ZBTB17: variants seen among roughly 807,000 people sequenced by gnomAD.
ZBTB17 encodes the protein zinc finger and BTB domain containing 17.
Under a neutral mutation model 85.1 loss-of-function variants are expected in ZBTB17, and 24 were observed. The ratio of observed to expected loss-of-function variants is 0.28; its 90% CI spans 0.20 to 0.40. The LOEUF is 0.40. ZBTB17 is among the 10% of genes least tolerant of loss of function. The pLI, the probability that ZBTB17 is intolerant of heterozygous loss-of-function variation, is 1.00. For synonymous variants in ZBTB17, 464 were observed against 460.2 expected, an observed-to-expected ratio of 1.01 and a Z score of -0.11; for missense variants, 743 against 1,105.1, an observed-to-expected ratio of 0.67 and a Z score of 4.65.
chr1:15,943,252 C>T, intron 12 of ZBTB17, 58 bp from the exon 13 acceptor site: 2 of 1,613,124 alleles, frequency 1.2e-6, no homozygotes, highest in Admixed American at 1.7e-5. Flanking sequence ...CCTCCTGCCT[C>T]ACCCTCTAGA....
chr1:15,958,953 A>G (rs2072151050), intron 2 of ZBTB17, among the ~76,000 whole-genome samples: 1 of 152,228 alleles, frequency 6.6e-6, no homozygotes, highest in African/African-American at 2.4e-5. Flanking sequence ...CTTGGCAGTC[A>G]GGAGTCACAC....
rs150689825 is a variant in ZBTB17 at position 15,943,451 on chromosome 1, C to G, written c.1645G>C (p.Val549Leu). ...FTQASSLIAH[V>L]RQHTGEKPYV... ...GGCTTCTCCCCGGTGTGCTGGCGCA[C>G]GTGGGCGATGAGGGAGCTGGCCTGG... The change falls in exon 12 of 16, where the codon GTG (valine) becomes CTG (leucine). Residue 549 changes from valine (V) to leucine (L), a missense_variant. Coordinates refer to ENST00000375743, the MANE Select transcript of ZBTB17 (RefSeq NM_003443.3). The G allele has an allele frequency of 1.2e-6, 2 of 1,610,246 alleles. No homozygotes were observed. Among genetic ancestry groups the G allele is most frequent in the Non-Finnish European group, 1.7e-6 (2 of 1,178,086 alleles).
rs772605674 is a variant in ZBTB17 at position 15,946,179 on chromosome 1, G to A, written c.510C>T (p.Gly170=). 18 of 1,609,848 alleles carry A rather than the reference G, an allele frequency of 1.1e-5. No homozygotes were observed. Among genetic ancestry groups the A allele is most frequent in the Middle Eastern group, 3.3e-4 (2 of 6,084 alleles). Residue 170 remains glycine (G), a synonymous_variant, in exon 5 of 16, where the codon GGC becomes GGT. Coordinates refer to ENST00000375743, the MANE Select transcript of ZBTB17 (RefSeq NM_003443.3). ...CGCTGGCCGCACTCTGGGCCTGACC[G>A]CCGCGCTCCTCCTTGAGGTCCCTGC... is the stretch of plus-strand genomic sequence containing the variant. ...GPSRDLKEER[G]GQAQSAASGA...
intron 5 of ZBTB17, 53 bp from the exon 6 acceptor site, chr1:15,945,893 GA>G: frequency 6.4e-7 from 1 of 1,567,316 alleles, no homozygotes. Flanking sequence ...CCAGGGGTCG[GA>G]TACCTCTCCT....
In ZBTB17 at chr1:15,944,989, T is replaced by C; in HGVS notation, c.875A>G (p.Tyr292Cys). The change falls in exon 7 of 16, where the codon TAC becomes TGC. Residue 292 changes from tyrosine to cysteine, a missense_variant. Physicochemically the swap from Tyr to Cys is radical, Grantham distance 194. Around this residue, in one of 4 missense-constraint regions of ZBTB17, gnomAD observed 279 missense variants for 269.9 expected, o/e 1.03. Transcript: ENST00000375743. Reference protein sequence around the residue: ...SEARGLRSGTYGDRTESKAYG... With the variant: ...SEARGLRSGTCGDRTESKAYG... Reference sequence around the variant, plus strand: ...GGCCTTGGACTCCGTGCGGTCGCCGTAGGTGCCTGAGCGCAGGCCCCGGGC... The same window carrying C: ...GGCCTTGGACTCCGTGCGGTCGCCGCAGGTGCCTGAGCGCAGGCCCCGGGC... The C allele has an allele frequency of 1.3e-6, 2 of 1,589,536 alleles. No individual in the cohort carries two copies. Among genetic ancestry groups the C allele is most frequent in the Non-Finnish European group, 1.7e-6 (2 of 1,170,668 alleles).
At chr1:15,944,010 G>C in intron 9 of ZBTB17, 115 bp from the exon 10 acceptor site, 1 of 1,116,714 alleles carries the variant, frequency 9.0e-7, no homozygotes, top group Non-Finnish European at 1.3e-6. Flanking sequence ...GTCCGTGAAG[G>C]GCTCTATCTC....
In ZBTB17 at chr1:15,941,880, T is replaced by C; in HGVS notation, c.*89A>G. The C allele has an allele frequency of 1.4e-6, 2 of 1,469,792 alleles. No homozygotes were observed. The highest frequency in any genetic ancestry group is 1.8e-6 in the Non-Finnish European group (2 of 1,099,776). The allele number at this position is 1,469,792 out of a possible 1,614,324, so 91.0% of individuals were successfully genotyped here. A position where few individuals can be genotyped will look rare whatever the true frequency, so the allele number is the denominator to read the frequency against. On this transcript the variant is annotated 3_prime_UTR_variant, in exon 16 of 16. Transcript: ENST00000375743. ...ACCTATAGGCAGCATTAGAAAATAA[T>C]CCAATTTATTCTCTCTAGGGAACAG... is the stretch of plus-strand genomic sequence containing the variant.
chr1:15,957,618 C>T (rs1038979023), intron 2 of ZBTB17, among the ~76,000 whole-genome samples: 1 of 152,140 alleles, frequency 6.6e-6, no homozygotes, highest in Non-Finnish European at 1.5e-5. Flanking sequence ...GCCCCTCTGA[C>T]TGCAGTGCAA....
rs1570191057 is a variant in ZBTB17, at chr1:15,964,998, C to T, written c.-3+8041G>A. On this transcript the variant is annotated intron_variant, in intron 2 of 15. Transcript: ENST00000375743. The surrounding 1 kb of genome is among the most constrained non-coding windows in gnomAD (Gnocchi z 4.3). The stretch of plus-strand genomic sequence containing the variant: ...GCGTGGTGGCACGCATCTGTAATCC[C>T]AGCTACTCAGGAGGCTGAGGCAGGA... Among the ~76,000 whole-genome samples the T allele has an allele frequency of 6.6e-6, 1 of 151,752 alleles. No homozygotes were observed.
At chr1:15,948,100 A>T (rs970645222) in intron 3 of ZBTB17, 191 bp downstream of exon 3, 3 of 682,616 alleles carry the variant, frequency 4.4e-6, no homozygotes, top group Non-Finnish European at 7.7e-6. Context: ...TTACCACTCC[A>T]CTACCAATCA....
chr1:15,947,186 A>T (rs2071644715), intron 3 of ZBTB17, 63 bp from the exon 4 acceptor site: 2 of 1,508,562 alleles, frequency 1.3e-6, no homozygotes, highest in Non-Finnish European at 9.0e-7. Context: ...AGCCTGCCCC[A>T]CCACTCCACT....
intron 9 of ZBTB17, 200 bp from the exon 10 acceptor site, chr1:15,944,095 C>A: frequency 2.0e-6 from 2 of 1,014,052 alleles, no homozygotes; most frequent in South Asian, 2.7e-5. Flanking sequence ...AGGACCAAAC[C>A]CCGCCCTGAG....
intron 2 of ZBTB17, among the ~76,000 whole-genome samples, chr1:15,963,884 G>A (rs2072345766): frequency 6.6e-6 from 1 of 151,904 alleles, no homozygotes; most frequent in Non-Finnish European, 1.5e-5. Flanking sequence ...AGCAGGAGGA[G>A]TGCTTGAGCC....
At chr1:15,959,204 C>T (rs698892) in intron 2 of ZBTB17, among the ~76,000 whole-genome samples, 151,296 of 152,288 alleles carry the variant, frequency 0.99, 75,164 homozygotes, top group Middle Eastern at 1. Context: ...AAATTTAGTA[C>T]CTGACCCTTC....
In ZBTB17 at chr1:15,944,960, C is replaced by T. The variant is rs1042929445; in HGVS notation, c.904G>A (p.Gly302Ser). The T allele has an allele frequency of 1.9e-6, 3 of 1,580,768 alleles. No individual in the cohort carries two copies. Among genetic ancestry groups the T allele is most frequent in the African/African-American group, 1.3e-5 (1 of 74,318 alleles). Reference sequence around the variant, plus strand: ...ACCTCGCACTTGTGGATGACGGAGCCGTAGGCCTTGGACTCCGTGCGGTCG... The same window carrying T: ...ACCTCGCACTTGTGGATGACGGAGCTGTAGGCCTTGGACTCCGTGCGGTCG... ...YGDRTESKAYGSVIHKCEDCG... is the reference protein window; with the variant it reads ...YGDRTESKAYSSVIHKCEDCG... Residue 302 changes from glycine (G) to serine (S), a missense_variant, in exon 7 of 16, where the codon GGC becomes AGC. This residue lies in a region of ZBTB17 where 279 missense variants were observed against 269.9 expected (regional missense o/e 1.03). Coordinates refer to ENST00000375743, the MANE Select transcript of ZBTB17 (RefSeq NM_003443.3).
chr1:15,944,138 C>A (rs1335000601), intron 9 of ZBTB17, 162 bp downstream of exon 9: 8 of 1,176,812 alleles, frequency 6.8e-6, no homozygotes, highest in Non-Finnish European at 9.8e-6. Flanking sequence ...ACCGGGAGCT[C>A]CCCCGCGGAA....
Position 15,946,260 on chromosome 1 carries a change from G to A in ZBTB17, c.429C>T (p.Ala143=), listed in dbSNP as rs771853887. Reference sequence around the variant, plus strand: ...GCTCCAGCCTGCTCAGCGTGCTGGTGGCCACCTTCTCCTCTTTGGCTCTCT... The same window carrying A: ...GCTCCAGCCTGCTCAGCGTGCTGGTAGCCACCTTCTCCTCTTTGGCTCTCT... ...GDKRAKEEKV[A]TSTLSRLEQA... is the part of the protein sequence containing the mutation. The change falls in exon 5 of 16, where the codon GCC becomes GCT. Residue 143 remains alanine, a synonymous_variant. Transcript: ENST00000375743. 108 of 1,613,750 alleles carry A rather than the reference G, an allele frequency of 6.7e-5. 1 individual carries two copies. In the South Asian group the frequency reaches 1.1e-3, roughly 16 times the overall value.
intron 2 of ZBTB17, among the ~76,000 whole-genome samples, chr1:15,968,552 T>C (rs2148812401): frequency 6.6e-6 from 1 of 151,978 alleles, no homozygotes. Context: ...CTCACTTGGG[T>C]TGGGGGAACT....
chr1:15,961,257 T>C (rs2072249576), intron 2 of ZBTB17, among the ~76,000 whole-genome samples: 1 of 152,090 alleles, frequency 6.6e-6, no homozygotes, highest in South Asian at 2.1e-4. Context: ...CTTTTTTCCA[T>C]TTAAAACTTT....
Sources: gnomAD v4.1 joint callset for allele counts (sites outside exome capture counted in the v4.1 genomes callset) on GRCh38, gnomAD v4.1.1 for gene constraint, gnomAD v4.1.1 regional missense constraint, Gnocchi (gnomAD v3.1) non-coding constraint, MANE v1.5 for transcripts, NCBI Gene and HGNC (gene_info 2026-07-23, HGNC 2026-07-21) for gene names.